WNK2: variants seen among roughly 807,000 people sequenced by gnomAD.
The protein encoded by WNK2 is serine/threonine-protein kinase WNK2.
In WNK2, 67 loss-of-function variants were observed where a neutral mutation model predicts 192.1. That is an observed-to-expected ratio of 0.35 (90% CI 0.29 to 0.43). The LOEUF is 0.43. Ranked by LOEUF, WNK2 falls within the 20% of genes least tolerant of loss-of-function variation. WNK2 has a pLI of 1.00. For missense variants in WNK2, 2,698 were observed against 3,089.7 expected, an observed-to-expected ratio of 0.87 and a Z score of 3.01; for synonymous variants, 1,439 against 1,393.9, an observed-to-expected ratio of 1.03 and a Z score of -0.72.
intron 19 of WNK2, among the ~76,000 whole-genome samples, chr9:93,276,510 A>AT (rs1460291698): frequency 6.6e-6 from 1 of 152,240 alleles, no homozygotes; most frequent in Non-Finnish European, 1.5e-5. Flanking sequence ...ATCATTTTTG[A>AT]TCTGTGCCAG....
rs1843514831 is a variant in WNK2, at chr9:93,257,612, G to A, written c.2382+473G>A. 6.6e-6 allele frequency among the ~76,000 whole-genome samples: 1 copy of A among 152,244 alleles called. No homozygotes were observed. The highest frequency in any genetic ancestry group is 2.4e-5 in the African/African-American group (1 of 41,468). The stretch of plus-strand genomic sequence containing the variant: ...TCCAAGGTCGTGGACAGTCCTTGAA[G>A]TGGTTGCTGGGTTGGCACAGAAAGC... On this transcript the variant is annotated intron_variant, in intron 11 of 29. Transcript: ENST00000427277. This position sits in a 1 kb window ranked among gnomAD's most constrained non-coding sequence, Gnocchi z 4.7.
intron 26 of WNK2, among the ~76,000 whole-genome samples, chr9:93,305,759 C>G (rs944305616): frequency 6.6e-6 from 1 of 152,206 alleles, no homozygotes; most frequent in Non-Finnish European, 1.5e-5. Context: ...AGATCAGAGT[C>G]GCTCCTTTTT....
chr9:93,300,196 T>G (rs772278979), intron 26 of WNK2, 47 bp downstream of exon 26: 1 of 1,487,774 alleles, frequency 6.7e-7, no homozygotes, highest in South Asian at 1.1e-5. Context: ...GCCCTTGGTT[T>G]TCTCCCCCCA....
Position 93,247,751 on chromosome 9 carries a change from C to T in WNK2, c.1751C>T (p.Pro584Leu). The change falls in exon 8 of 30, where the codon CCC becomes CTC. Residue 584 changes from proline (P) to leucine (L), a missense_variant. Pro to Leu is a moderately conservative substitution (Grantham distance 98). Around this residue, in one of 7 missense-constraint regions of WNK2, gnomAD observed 893 missense variants for 909.0 expected, o/e 0.98. Transcript: ENST00000427277. This position sits in a 1 kb window ranked among gnomAD's most constrained non-coding sequence, Gnocchi z 5.2. The stretch of plus-strand genomic sequence containing the variant: ...ACCTACCATGCACAGGCTGGGCAGC[C>T]CGGGCCACCAGAGCCCGAGGAGCCG... ...QVTYHAQAGQPGPPEPEEPEA... is the reference protein window; with the variant it reads ...QVTYHAQAGQLGPPEPEEPEA... The T allele has an allele frequency of 6.4e-7, 1 of 1,553,614 alleles. No individual in the cohort carries two copies. The highest frequency in any genetic ancestry group is 1.2e-5 in the South Asian group (1 of 84,182).
At position 93,318,687 on chromosome 9, in the gene WNK2, T is replaced by C. The variant is rs2134496969; in HGVS notation, c.6628+1056T>C. ...TTCCCTCCCTTCTCCATGATTTCCA[T>C]GGAGACCTGTGGCTCTGCTCACCCC... is the stretch of plus-strand genomic sequence containing the variant. On this transcript the variant is annotated intron_variant, in intron 29 of 29. Coordinates refer to ENST00000427277, the MANE Select transcript of WNK2 (RefSeq NM_006648.4). 14 of 1,480,548 alleles carry C rather than the reference T, an allele frequency of 9.5e-6. No homozygotes were observed. The South Asian group carries it at 1.8e-4, about 19-fold the overall frequency. 91.7% of individuals were successfully genotyped at this position (1,480,548 alleles called of 1,614,324 possible). A position where few individuals can be genotyped will look rare whatever the true frequency, so the allele number is the denominator to read the frequency against.
intron 21 of WNK2, 141 bp from the exon 22 acceptor site, chr9:93,292,167 C>T (rs1159640933): frequency 6.4e-6 from 5 of 782,466 alleles, no homozygotes; most frequent in African/African-American, 1.7e-5. Context: ...ACAGCTGGCT[C>T]CTCCCAGTAC....
At chr9:93,203,557 C>T (rs111874985) in intron 2 of WNK2, among the ~76,000 whole-genome samples, 2,744 of 152,240 alleles carry the variant, frequency 0.018, 39 homozygotes, top group Admixed American at 0.022. Flanking sequence ...AAGGCCTAGT[C>T]CCCTGCAGTC....
chr9:93,303,962 G>A (rs945275707), intron 26 of WNK2, among the ~76,000 whole-genome samples: 3 of 152,208 alleles, frequency 2.0e-5, no homozygotes, highest in African/African-American at 4.8e-5. Context: ...GAGGGTGCGC[G>A]GGAAGTTGTG....
rs550600862 is a variant in WNK2, at chr9:93,262,110, G to A, written c.3360+3G>A. 2 of 1,577,894 alleles carry A rather than the reference G, an allele frequency of 1.3e-6. No homozygotes were observed. The highest frequency in any genetic ancestry group is 2.3e-5 in the East Asian group (1 of 44,188). On this transcript the variant is annotated splice_donor_region_variant and intron_variant, in intron 13 of 29. Transcript: ENST00000427277. Reference sequence around the variant, plus strand: ...TGACGGTGGAACCAGTCCAAGAGGTGTGTGCCCCTCCCCCCAGCCTGTCCC... The same window carrying A: ...TGACGGTGGAACCAGTCCAAGAGGTATGTGCCCCTCCCCCCAGCCTGTCCC...
In WNK2 at chr9:93,289,131, T is replaced by C; in HGVS notation, c.4377T>C (p.Ala1459=). The C allele has an allele frequency of 6.2e-7, 1 of 1,602,500 alleles. No homozygotes were observed. Among genetic ancestry groups the C allele is most frequent in the African/African-American group, 1.3e-5 (1 of 74,836 alleles). Residue 1459 remains alanine (A), a synonymous_variant, in exon 20 of 30, where the codon GCT becomes GCC. Transcript: ENST00000427277. The part of the protein sequence containing the change: ...LVVGLAPCTP[A]PEAASTRDAS... ...TGGGCCTAGCACCTTGCACTCCAGC[T>C]CCAGAGGCTGCCTCAACCAGGGACG...
intron 29 of WNK2, chr9:93,319,349 G>C: frequency 3.6e-6 from 5 of 1,385,498 alleles, no homozygotes; most frequent in Non-Finnish European, 4.7e-6. Context: ...GAGGGGCTGC[G>C]GGTGCTGGGC....
intron 8 of WNK2, among the ~76,000 whole-genome samples, chr9:93,248,185 A>G (rs1314364642): frequency 6.6e-6 from 1 of 152,264 alleles, no homozygotes; most frequent in Admixed American, 6.5e-5. Flanking sequence ...TGGGATGTGC[A>G]GGGCCTGATT....
chr9:93,267,962 C>T, intron 17 of WNK2, 46 bp downstream of exon 17: 3 of 1,608,346 alleles, frequency 1.9e-6, no homozygotes, highest in South Asian at 1.1e-5. Context: ...AGTGCAGTGG[C>T]TGGGCAGGTG....
At chr9:93,250,516 G>A (rs865997022) in intron 8 of WNK2, among the ~76,000 whole-genome samples, 1 of 152,224 alleles carries the variant, frequency 6.6e-6, no homozygotes, top group Non-Finnish European at 1.5e-5. Context: ...GGTAAGAGCA[G>A]GAACCCCATA....
rs552369217 is a variant in WNK2 at position 93,261,761 on chromosome 9, C to T, written c.3067-53C>T. 5.3e-5 allele frequency: 81 copies of T among 1,541,938 alleles called. No individual in the cohort carries two copies. In the East Asian group the frequency reaches 1.8e-3, roughly 35 times the overall value. On this transcript the variant is annotated intron_variant, in intron 12 of 29. Transcript: ENST00000427277. ...CCCAGACACACCTGGGCACGGCCCC[C>T]TCAGTGAAGGCAGCGCCGGCCCTGA...
rs553447525 is a variant in WNK2 at position 93,218,792 on chromosome 9, G to T, written c.682-10904G>T. Among the ~76,000 whole-genome samples the T allele has an allele frequency of 8.5e-5, 13 of 152,374 alleles. No individual in the cohort carries two copies. The East Asian group carries it at 2.3e-3, about 27-fold the overall frequency. On this transcript the variant is annotated intron_variant, in intron 2 of 29. Coordinates refer to ENST00000427277, the MANE Select transcript of WNK2 (RefSeq NM_006648.4). ...TTGTCTGGCTGTCAGGGCCAGGGCTGCCCCGGCTTCCTGGGGTTTGGTTGT... is the reference window on the plus strand; with the variant it reads ...TTGTCTGGCTGTCAGGGCCAGGGCTTCCCCGGCTTCCTGGGGTTTGGTTGT...
chr9:93,292,865 C>T lies in WNK2; in HGVS notation c.5400C>T (p.Gly1800=), dbSNP rs545759059. ...AGACGGCCTCCTCCATCGAGGTCGG[C>T]GTGGGCGAGCCCGTGTCCAGCGACT... ...RAQTASSIEV[G]VGEPVSSDSG... is the part of the protein sequence containing the mutation. Residue 1800 remains glycine (G), a synonymous_variant, in exon 23 of 30, where the codon GGC becomes GGT. Coordinates refer to ENST00000427277, the MANE Select transcript of WNK2 (RefSeq NM_006648.4). 93 of 1,491,288 alleles carry T rather than the reference C, an allele frequency of 6.2e-5. No homozygotes were observed. The South Asian group carries it at 8.3e-4, about 13-fold the overall frequency. 92.4% of individuals were successfully genotyped at this position (1,491,288 alleles called of 1,614,324 possible). A position where few individuals can be genotyped will look rare whatever the true frequency, so the allele number is the denominator to read the frequency against.
At chr9:93,233,992 C>T (rs760871261) in intron 4 of WNK2, among the ~76,000 whole-genome samples, 15 of 152,232 alleles carry the variant, frequency 9.9e-5, no homozygotes, top group Admixed American at 4.6e-4. Flanking sequence ...AATAGAGAAA[C>T]CCCAGACCAA....
intron 7 of WNK2, among the ~76,000 whole-genome samples, chr9:93,240,559 C>G (rs941751118): frequency 3.9e-5 from 6 of 151,954 alleles, no homozygotes; most frequent in African/African-American, 1.5e-4. Flanking sequence ...GGGGTGTCAT[C>G]GAGGCCTCAT....
Sources: gnomAD v4.1 joint callset for allele counts (sites outside exome capture counted in the v4.1 genomes callset) on GRCh38, gnomAD v4.1.1 for gene constraint, gnomAD v4.1.1 regional missense constraint, Gnocchi (gnomAD v3.1) non-coding constraint, MANE v1.5 for transcripts, NCBI Gene and HGNC (gene_info 2026-07-23, HGNC 2026-07-21) for gene names.